The following CCDC88C variants were observed in gnomAD, a reference collection of about 807,000 sequenced individuals.
CCDC88C encodes the protein coiled-coil and HOOK domain protein 88C, also known as protein Daple.
CCDC88C carries 131 observed loss-of-function variants against 198.8 expected under a neutral mutation model. The observed-to-expected ratio is 0.66, with a 90% CI of 0.57 to 0.76. CCDC88C has a LOEUF of 0.76. Among genes scored for constraint, CCDC88C ranks in the 30% least tolerant of loss-of-function variants. The pLI is 0.00. For synonymous variants in CCDC88C, 1,166 were observed against 1,114.7 expected (o/e 1.05, Z -0.92); for missense variants, 2,553 against 2,631.6 (o/e 0.97, Z 0.65).
Position 91,283,530 on chromosome 14 carries a change from A to G in CCDC88C, c.4442-13T>C. 2 of 1,600,720 alleles carry G rather than the reference A, an allele frequency of 1.2e-6. No homozygotes were observed. The highest frequency in any genetic ancestry group is 4.5e-5 in the East Asian group (2 of 44,400). On this transcript the variant is annotated splice_polypyrimidine_tract_variant and intron_variant, in intron 25 of 29. Coordinates refer to ENST00000389857, the MANE Select transcript of CCDC88C (RefSeq NM_001080414.4). ...AGATCCCCAGGGCCTGAGGCAGAAG[A>G]GGACATTGAGAAATGAGGCTGCCAA...
intron 3 of CCDC88C, among the ~76,000 whole-genome samples, chr14:91,375,835 T>C (rs1462260162): frequency 6.6e-6 from 1 of 152,212 alleles, no homozygotes; most frequent in African/African-American, 2.4e-5. Flanking sequence ...CCTTCTGATC[T>C]GACCCTTTCC....
rs574429008 is a variant in CCDC88C, at chr14:91,274,139, G to A, written c.5059-486C>T. Among the ~76,000 whole-genome samples the A allele has an allele frequency of 9.3e-5, 14 of 151,162 alleles. No individual in the cohort carries two copies. In the South Asian group the frequency reaches 2.5e-3, roughly 28 times the overall value. ...GAACAAGAGCAGCTCTTGAAACGCC[G>A]GAACCTTCACTGCCACTCAGACCTC... On this transcript the variant is annotated intron_variant, in intron 29 of 29. Coordinates refer to ENST00000389857, the MANE Select transcript of CCDC88C (RefSeq NM_001080414.4).
At chr14:91,387,780 C>G (rs116920508) in intron 3 of CCDC88C, among the ~76,000 whole-genome samples, 1 of 152,268 alleles carries the variant, frequency 6.6e-6, no homozygotes, top group African/African-American at 2.4e-5. Context: ...AGACAAGAGC[C>G]GAGATGCTGA....
chr14:91,322,989 T>C (rs2139824817), intron 12 of CCDC88C, among the ~76,000 whole-genome samples: 1 of 141,610 alleles, frequency 7.1e-6, no homozygotes, highest in African/African-American at 2.6e-5. Flanking sequence ...CGCTGCAACC[T>C]CCACCTCTCA....
At chr14:91,287,177 A>G (rs570198711) in intron 25 of CCDC88C, among the ~76,000 whole-genome samples, 1 of 152,358 alleles carries the variant, frequency 6.6e-6, no homozygotes, top group East Asian at 1.9e-4. Flanking sequence ...AACAGGAGCC[A>G]ATATAAAAAC....
rs1384952570 is a variant in CCDC88C at position 91,303,703 on chromosome 14, C to G, written c.3633G>C (p.Glu1211Asp). 3.2e-6 allele frequency: 5 copies of G among 1,580,766 alleles called. No homozygotes were observed. The Admixed American group carries it at 9.1e-5, about 29-fold the overall frequency. The change falls in exon 20 of 30, where the codon GAG becomes GAC. Residue 1211 changes from glutamate to aspartate, a missense_variant and splice_region_variant. This residue lies in a region of CCDC88C where 1,293 missense variants were observed against 1,219.6 expected (regional missense o/e 1.06). Transcript: ENST00000389857. ...NLELEHKELG[E>D]RHGDMLKRKA... ...CCCCTTCCTTCCCCAGGCCCTACCT[C>G]TCCCCGAGCTCCTTGTGCTCCAGCT...
chr14:91,336,925 C>T (rs1387437591), intron 10 of CCDC88C, among the ~76,000 whole-genome samples: 1 of 152,240 alleles, frequency 6.6e-6, no homozygotes. Context: ...ATACGGTGCT[C>T]TGCCTTCGGT....
Position 91,297,674 on chromosome 14 carries a change from C to T in CCDC88C, c.3780-183G>A, listed in dbSNP as rs527398488. Among the ~76,000 whole-genome samples the T allele has an allele frequency of 5.9e-5, 9 of 152,008 alleles. No homozygotes were observed. In the South Asian group the frequency reaches 1.9e-3, roughly 32 times the overall value. ...AAATAAGGAGCTTGGACAAAACTGT[C>T]CATCAGCAAACTGTGTTCTTTGGGG... On this transcript the variant is annotated intron_variant, in intron 21 of 29. Transcript: ENST00000389857.
At chr14:91,360,956 G>A (rs569402152) in intron 3 of CCDC88C, among the ~76,000 whole-genome samples, 2 of 152,062 alleles carry the variant, frequency 1.3e-5, no homozygotes, top group South Asian at 2.1e-4. Context: ...GACAAGCCTG[G>A]GCAACACAGA....
chr14:91,325,687 C>A lies in CCDC88C; in HGVS notation c.1197+223G>T, dbSNP rs186413202. Reference sequence around the variant, plus strand: ...AACCTCCCAGGCTCAAGCAACCCTCCTGCCTCAGTCTCTCCCAAGTAGATG... The same window carrying A: ...AACCTCCCAGGCTCAAGCAACCCTCATGCCTCAGTCTCTCCCAAGTAGATG... On this transcript the variant is annotated intron_variant, in intron 11 of 29. Transcript: ENST00000389857. This position sits in a 1 kb window ranked among gnomAD's most constrained non-coding sequence, Gnocchi z 4.1. Among the ~76,000 whole-genome samples, 10 of 152,282 alleles carry A rather than the reference C, an allele frequency of 6.6e-5. No individual in the cohort carries two copies. The highest frequency in any genetic ancestry group is 2.4e-4 in the African/African-American group (10 of 41,550).
intron 22 of CCDC88C, among the ~76,000 whole-genome samples, chr14:91,296,564 G>C (rs918197454): frequency 2.6e-5 from 4 of 152,220 alleles, no homozygotes; most frequent in African/African-American, 9.6e-5. Flanking sequence ...CTCATTCTCA[G>C]GGGGCAGCAC....
At chr14:91,328,175 T>C (rs1416318940) in intron 10 of CCDC88C, among the ~76,000 whole-genome samples, 1 of 152,200 alleles carries the variant, frequency 6.6e-6, no homozygotes, top group Admixed American at 6.5e-5. Context: ...CTTCCCGGAA[T>C]GAATGGAGAT....
chr14:91,342,427 G>A lies in CCDC88C; in HGVS notation c.436C>T (p.Gln146Ter). Residue 146 changes from glutamine (Q) to a stop codon, truncating the protein, a stop_gained, in exon 6 of 30, where the codon CAG becomes TAG. Transcript: ENST00000389857. LOFTEE classifies it high-confidence loss of function. ...RKEEFIERIK[Q>*]LDIETQAGIV... is the part of the protein sequence containing the mutation. ...CCAGCCTGGGTCTCAATGTCCAGCTGTTTGATTCTTTCAATGAACTCCTCT... is the reference window on the plus strand; with the variant it reads ...CCAGCCTGGGTCTCAATGTCCAGCTATTTGATTCTTTCAATGAACTCCTCT... 1 of 1,599,000 alleles carries A rather than the reference G, an allele frequency of 6.3e-7. No individual in the cohort carries two copies. The highest frequency in any genetic ancestry group is 8.5e-7 in the Non-Finnish European group (1 of 1,172,728).
intron 2 of CCDC88C, 97 bp from the exon 3 acceptor site, chr14:91,408,864 G>C (rs971904989): frequency 1.3e-6 from 1 of 768,734 alleles, no homozygotes; most frequent in African/African-American, 1.7e-5. Context: ...CCAGTCCCTA[G>C]GTGACCATGA....
intron 15 of CCDC88C, among the ~76,000 whole-genome samples, chr14:91,311,501 G>A (rs568761782): frequency 2.6e-5 from 4 of 152,290 alleles, no homozygotes; most frequent in African/African-American, 4.8e-5. Flanking sequence ...ACCACAGGCC[G>A]AGGAACCAGA....
At chr14:91,398,621 C>T (rs1441684934) in intron 3 of CCDC88C, among the ~76,000 whole-genome samples, 4 of 152,138 alleles carry the variant, frequency 2.6e-5, no homozygotes, top group African/African-American at 9.7e-5. Flanking sequence ...CGCGCCACTG[C>T]ACTCCAGCAT....
intron 25 of CCDC88C, 163 bp from the exon 26 acceptor site, chr14:91,283,680 G>A (rs1234360783): frequency 3.1e-6 from 2 of 654,094 alleles, no homozygotes; most frequent in Non-Finnish European, 5.2e-6. Context: ...GGCCTGGCGG[G>A]GCAGGTGGGG....
At chr14:91,356,788 A>G (rs1894053926) in intron 4 of CCDC88C, among the ~76,000 whole-genome samples, 1 of 152,174 alleles carries the variant, frequency 6.6e-6, no homozygotes, top group East Asian at 1.9e-4. Flanking sequence ...CCCATGGACA[A>G]TCTCTGTGGT....
At chr14:91,402,746 C>T (rs1009280364) in intron 3 of CCDC88C, among the ~76,000 whole-genome samples, 4 of 152,082 alleles carry the variant, frequency 2.6e-5, no homozygotes, top group African/African-American at 9.7e-5. Flanking sequence ...AAAATAGAAC[C>T]GTATGTTCAT....
Sources: allele counts gnomAD v4.1 joint callset (sites outside exome capture counted in the v4.1 genomes callset), GRCh38; gene constraint gnomAD v4.1.1; regional missense constraint gnomAD v4.1.1; non-coding constraint Gnocchi (gnomAD v3.1); transcripts MANE v1.5; gene names NCBI Gene and HGNC (gene_info 2026-07-23, HGNC 2026-07-21).